Variants in KAZN observed in about 807,000 individuals in gnomAD.
KAZN encodes kazrin, periplakin interacting protein, also known as kazrin.
A neutral mutation model predicts 87.4 loss-of-function variants in KAZN; 40 were observed. The ratio of observed to expected loss-of-function variants is 0.46; its 90% confidence interval spans 0.36 to 0.60. KAZN has a LOEUF of 0.60. Among genes scored for constraint, KAZN ranks in the 20% least tolerant of loss-of-function variants. The pLI is 0.00. For synonymous variants in KAZN, 466 were observed against 458.3 expected (o/e 1.02, Z -0.22); for missense variants, 898 against 1,073.9 (o/e 0.84, Z 2.29).
intron 2 of KAZN, among the ~76,000 whole-genome samples, chr1:14,191,628 G>A (rs925021047): frequency 6.6e-5 from 10 of 152,074 alleles, no homozygotes; most frequent in African/African-American, 1.4e-4. Flanking sequence ...TGCTGTATCC[G>A]TCATAGTTTT....
At chr1:14,584,189 G>C (rs559421296) in intron 2 of KAZN, among the ~76,000 whole-genome samples, 1 of 152,202 alleles carries the variant, frequency 6.6e-6, no homozygotes, top group Non-Finnish European at 1.5e-5. Flanking sequence ...GTGGGGCTGG[G>C]CGTATACACA....
At chr1:13,997,388 C>T (rs1030750319) in intron 1 of KAZN, among the ~76,000 whole-genome samples, 3 of 151,898 alleles carry the variant, frequency 2.0e-5, no homozygotes, top group Admixed American at 2.0e-4. Context: ...ATGACAGAAA[C>T]GGACTTCAGA....
At chr1:13,978,494 A>AT (rs1491183715) in intron 1 of KAZN, among the ~76,000 whole-genome samples, 4 of 100,806 alleles carry the variant, frequency 4.0e-5, no homozygotes, top group Non-Finnish European at 8.8e-5. Flanking sequence ...ATATAGAGAT[A>AT]AATATATATA....
At chr1:14,109,530 C>G (rs571378430) in intron 1 of KAZN, among the ~76,000 whole-genome samples, 1 of 152,146 alleles carries the variant, frequency 6.6e-6, no homozygotes, top group South Asian at 2.1e-4. Flanking sequence ...TAACCTCACT[C>G]CTTTCTTGTC....
chr1:13,956,391 A>G (rs1641552157), intron 1 of KAZN, among the ~76,000 whole-genome samples: 1 of 147,860 alleles, frequency 6.8e-6, no homozygotes, highest in East Asian at 2.0e-4. Flanking sequence ...TACTGTTTAC[A>G]TTTTTGCATC....
chr1:14,023,490 G>T lies in KAZN; in HGVS notation c.91+129734G>T, dbSNP rs375385976. On this transcript the variant is annotated intron_variant, in intron 1 of 16. Coordinates refer to the KAZN transcript ENST00000636203. ...TGAGGAAATGCATCTCTCACCAGGGGTAACACAGCTACAAAGTGGTCCAGG... is the reference window on the plus strand; with the variant it reads ...TGAGGAAATGCATCTCTCACCAGGGTTAACACAGCTACAAAGTGGTCCAGG... Among the ~76,000 whole-genome samples, 25 of 152,220 alleles carry T rather than the reference G, an allele frequency of 1.6e-4. 3 individuals carry two copies. Among genetic ancestry groups the T allele is most frequent in the Admixed American group, 1.2e-3 (18 of 15,294 alleles).
intron 1 of KAZN, among the ~76,000 whole-genome samples, chr1:14,006,174 A>G (rs1476944532): frequency 6.6e-6 from 1 of 151,926 alleles, no homozygotes; most frequent in African/African-American, 2.4e-5. Context: ...CACTTCTTAT[A>G]TTTTTGCTTT....
chr1:14,933,433 C>T (rs1660080346), intron 1 of KAZN, among the ~76,000 whole-genome samples: 2 of 152,026 alleles, frequency 1.3e-5, no homozygotes, highest in African/African-American at 2.4e-5. Context: ...CCTGCCCCAC[C>T]GCTGATGGTC....
intron 1 of KAZN, among the ~76,000 whole-genome samples, chr1:14,696,643 A>T (rs1226446712): frequency 6.6e-6 from 1 of 152,166 alleles, no homozygotes; most frequent in African/African-American, 2.4e-5. Context: ...TCTCCAACTT[A>T]AGCATGCTTC....
At chr1:14,798,026 T>G (rs921106940) in intron 1 of KAZN, among the ~76,000 whole-genome samples, 1 of 152,148 alleles carries the variant, frequency 6.6e-6, no homozygotes, top group Non-Finnish European at 1.5e-5. Context: ...ACTTTACAGA[T>G]GAGGAAACTG....
intron 1 of KAZN, among the ~76,000 whole-genome samples, chr1:14,104,042 T>C (rs1214782251): frequency 6.6e-6 from 1 of 152,194 alleles, no homozygotes; most frequent in African/African-American, 2.4e-5. Context: ...TGGGGGTTAC[T>C]GGAGACAGCG....
chr1:14,535,952 A>G (rs1672482638), intron 2 of KAZN, among the ~76,000 whole-genome samples: 1 of 152,208 alleles, frequency 6.6e-6, no homozygotes, highest in African/African-American at 2.4e-5. Flanking sequence ...AGAATAGCCT[A>G]TAAATATGTG....
chr1:14,707,774 T>A (rs1446668134), intron 1 of KAZN, among the ~76,000 whole-genome samples: 2 of 152,220 alleles, frequency 1.3e-5, no homozygotes, highest in Non-Finnish European at 2.9e-5. Context: ...AAACAACACT[T>A]GGAGTAGTTG....
chr1:14,464,827 A>G (rs1296209418), intron 2 of KAZN, among the ~76,000 whole-genome samples: 1 of 151,672 alleles, frequency 6.6e-6, no homozygotes, highest in Non-Finnish European at 1.5e-5. Context: ...AGGCCACCAT[A>G]CTCAGCCTAG....
At chr1:14,662,201 A>T (rs1345404545) in intron 1 of KAZN, among the ~76,000 whole-genome samples, 1 of 152,142 alleles carries the variant, frequency 6.6e-6, no homozygotes, top group African/African-American at 2.4e-5. Context: ...GGCTTTAGCC[A>T]GCGGCCGGCA....
At chr1:14,681,631 A>G (rs1207863129) in intron 1 of KAZN, among the ~76,000 whole-genome samples, 11 of 11,298 alleles carry the variant, frequency 9.7e-4, no homozygotes, top group African/African-American at 9.5e-4. Flanking sequence ...ATATATATAT[A>G]TATATATATA....
intron 2 of KAZN, among the ~76,000 whole-genome samples, chr1:14,573,398 C>T (rs1674987824): frequency 6.6e-6 from 1 of 152,154 alleles, no homozygotes; most frequent in Non-Finnish European, 1.5e-5. Flanking sequence ...CTTGTAATCA[C>T]AGCACTTTGG....
chr1:14,236,021 G>T (rs1244991899), intron 2 of KAZN, among the ~76,000 whole-genome samples: 2 of 152,142 alleles, frequency 1.3e-5, no homozygotes, highest in Non-Finnish European at 2.9e-5. Flanking sequence ...TAGGAGAGAA[G>T]ACGCCTTATC....
intron 2 of KAZN, among the ~76,000 whole-genome samples, chr1:14,985,032 A>G (rs1666637720): frequency 1.3e-5 from 2 of 151,968 alleles, no homozygotes; most frequent in African/African-American, 4.8e-5. Context: ...GCTACTCAGG[A>G]GGCTGAAGCA....
Sources: allele counts gnomAD v4.1 joint callset (sites outside exome capture counted in the v4.1 genomes callset), GRCh38; gene constraint gnomAD v4.1.1; transcripts MANE v1.5; gene names NCBI Gene and HGNC (gene_info 2026-07-23, HGNC 2026-07-21).